DCBLD1: variants seen among roughly 807,000 people sequenced by gnomAD.
DCBLD1 encodes the protein discoidin, CUB and LCCL domain-containing protein 1.
In DCBLD1, 57 loss-of-function variants were observed where a neutral mutation model predicts 71.5. That is an observed-to-expected ratio of 0.80 (90% CI 0.64 to 0.99). DCBLD1 has a LOEUF of 0.99. Ranked by LOEUF, DCBLD1 falls within the 50% of genes least tolerant of loss-of-function variation. The pLI, the probability that DCBLD1 is intolerant of heterozygous loss-of-function variation, is 0.00. For synonymous variants in DCBLD1, 380 were observed against 363.8 expected (o/e 1.04, Z -0.51); for missense variants, 891 against 923.5 (o/e 0.96, Z 0.46).
intron 6 of DCBLD1, 68 bp from the exon 7 acceptor site, chr6:117,537,116 TG>T (rs1260813137): frequency 6.6e-7 from 1 of 1,509,464 alleles, no homozygotes; most frequent in African/African-American, 1.4e-5. Flanking sequence ...AGCCCTGGGA[TG>T]TAGCTATATT....
rs774249395 is a variant in DCBLD1, at chr6:117,548,142, G to A, written c.1851G>A (p.Ala617=). ...RHVLRAHTFS[A]QSGYRVPGPQ... ...TGCTGCGCGCCCACACGTTCTCTGC[G>A]CAGAGCGGCTACCGCGTCCCAGGGC... The change falls in exon 15 of 15, where the codon GCG becomes GCA. Residue 617 remains alanine (A), a synonymous_variant. Transcript: ENST00000338728. 2.6e-5 allele frequency: 41 copies of A among 1,549,970 alleles called. No individual in the cohort carries two copies. Among genetic ancestry groups the A allele is most frequent in the South Asian group, 2.5e-4 (21 of 84,024 alleles).
intron 2 of DCBLD1, among the ~76,000 whole-genome samples, chr6:117,517,679 T>C (rs1778248920): frequency 1.3e-5 from 2 of 152,212 alleles, no homozygotes; most frequent in African/African-American, 4.8e-5. Flanking sequence ...TTGACTTCCA[T>C]GCACCTGCAG....
rs373229177 is a variant in DCBLD1, at chr6:117,517,881, G to A, written c.326-1935G>A. Among the ~76,000 whole-genome samples the A allele has an allele frequency of 4.6e-5, 7 of 152,276 alleles. No homozygotes were observed. The East Asian group carries it at 5.8e-4, about 13-fold the overall frequency. On this transcript the variant is annotated intron_variant, in intron 2 of 14. Coordinates refer to ENST00000338728, the MANE Select transcript of DCBLD1 (RefSeq NM_001366458.2). ...CCACTTTTTCCTCCTAGGCCTCTGG[G>A]TCTGTGATGGGAAGGGTTGCCTTGA...
At chr6:117,504,011 T>C (rs1777755026) in intron 2 of DCBLD1, 32 bp downstream of exon 2, 8 of 1,610,288 alleles carry the variant, frequency 5.0e-6, no homozygotes, top group Middle Eastern at 1.7e-4. Context: ...TCTCTGAGCA[T>C]CAAAATTTTT....
intron 14 of DCBLD1, among the ~76,000 whole-genome samples, chr6:117,567,750 C>G (rs1311058007): frequency 6.6e-6 from 1 of 151,956 alleles, no homozygotes; most frequent in Non-Finnish European, 1.5e-5. Context: ...GTGAGTCCTG[C>G]AGAAAGCAGA....
At chr6:117,545,674 A>C (rs1172381292) in intron 14 of DCBLD1, 77 bp downstream of exon 14, 4 of 1,539,046 alleles carry the variant, frequency 2.6e-6, no homozygotes, top group African/African-American at 1.4e-5. Flanking sequence ...GAGAGAAATA[A>C]GGCAAAATCC....
At chr6:117,524,792 A>G (rs1220302316) in intron 4 of DCBLD1, among the ~76,000 whole-genome samples, 8 of 152,162 alleles carry the variant, frequency 5.3e-5, no homozygotes, top group African/African-American at 1.7e-4. Flanking sequence ...TTAATTTTGC[A>G]TATTTCTTTT....
In DCBLD1 at chr6:117,548,207, T is replaced by C; in HGVS notation, c.1916T>C (p.Phe639Ser). ...GHKHSLSSGG[F>S]SPVAGVGAQD... ...AAACACTCCCTCTCCTCGGGCGGCTTCTCCCCCGTAGCGGGTGTGGGCGCC... is the reference window on the plus strand; with the variant it reads ...AAACACTCCCTCTCCTCGGGCGGCTCCTCCCCCGTAGCGGGTGTGGGCGCC... The change falls in exon 15 of 15, where the codon TTC becomes TCC. Residue 639 changes from phenylalanine to serine, a missense_variant. Physicochemically the swap from Phe to Ser is radical, Grantham distance 155. Transcript: ENST00000338728. 6.5e-7 allele frequency: 1 copy of C among 1,550,364 alleles called. No homozygotes were observed. Among genetic ancestry groups the C allele is most frequent in the Non-Finnish European group, 8.7e-7 (1 of 1,146,944 alleles).
At chr6:117,534,995 T>G (rs1375569761) in intron 6 of DCBLD1, among the ~76,000 whole-genome samples, 1 of 152,184 alleles carries the variant, frequency 6.6e-6, no homozygotes, top group Non-Finnish European at 1.5e-5. Context: ...AATAGTTAAC[T>G]GTATGTTCAC....
downstream of DCBLD1, among the ~76,000 whole-genome samples, chr6:117,550,064 G>T (rs1284266292): frequency 6.6e-6 from 1 of 152,204 alleles, no homozygotes; most frequent in African/African-American, 2.4e-5. Flanking sequence ...TCAAAGTGTT[G>T]TCTATAGTAG....
chr6:117,503,064 T>C (rs932461928), intron 1 of DCBLD1, among the ~76,000 whole-genome samples: 1 of 152,252 alleles, frequency 6.6e-6, no homozygotes, highest in Non-Finnish European at 1.5e-5. Context: ...AATGTGTGAC[T>C]ATTTGCCATT....
intron 1 of DCBLD1, among the ~76,000 whole-genome samples, chr6:117,496,328 T>G (rs1447840753): frequency 1.3e-5 from 2 of 152,266 alleles, no homozygotes; most frequent in Non-Finnish European, 2.9e-5. Flanking sequence ...AGTTCTGTTT[T>G]GCCTTTGTTC....
At chr6:117,486,022 CA>C (rs993207360) in intron 1 of DCBLD1, among the ~76,000 whole-genome samples, 1 of 152,142 alleles carries the variant, frequency 6.6e-6, no homozygotes, top group African/African-American at 2.4e-5. Flanking sequence ...TTAAACAAAT[CA>C]AATGGTATGT....
At chr6:117,536,239 AAAT>A (rs1342692017) in intron 6 of DCBLD1, among the ~76,000 whole-genome samples, 1 of 152,212 alleles carries the variant, frequency 6.6e-6, no homozygotes, top group East Asian at 1.9e-4. Flanking sequence ...TGAGATTGTA[AAAT>A]AGTTGTAAAA....
intron 2 of DCBLD1, among the ~76,000 whole-genome samples, chr6:117,509,944 C>T (rs1379285705): frequency 1.3e-5 from 2 of 152,236 alleles, no homozygotes; most frequent in African/African-American, 2.4e-5. Context: ...ATTTACTTCA[C>T]TGCCACTGCC....
At chr6:117,492,972 C>T (rs1582964604) in intron 1 of DCBLD1, among the ~76,000 whole-genome samples, 1 of 152,252 alleles carries the variant, frequency 6.6e-6, no homozygotes, top group Non-Finnish European at 1.5e-5. Flanking sequence ...TCAGAAATGC[C>T]ATTTTGGCTT....
intron 14 of DCBLD1, chr6:117,560,805 T>A (rs192966265): frequency 1.9e-5 from 4 of 213,486 alleles, no homozygotes; most frequent in Admixed American, 1.8e-4. Context: ...CCATTCTGTT[T>A]GTGTATACAT....
At chr6:117,562,868 A>G (rs1291542371) in intron 14 of DCBLD1, 1 of 223,794 alleles carries the variant, frequency 4.5e-6, no homozygotes, top group African/African-American at 2.2e-5. Context: ...ATATGAATTC[A>G]CTTACTCTCT....
chr6:117,539,163 A>G lies in DCBLD1; in HGVS notation c.977-92A>G, dbSNP rs1779003694. Reference sequence around the variant, plus strand: ...CCTGTGAGATGATCTGAGGTTTCAAATGAGGGAGAAAAAAATGAAACTTGA... The same window carrying G: ...CCTGTGAGATGATCTGAGGTTTCAAGTGAGGGAGAAAAAAATGAAACTTGA... On this transcript the variant is annotated intron_variant, in intron 8 of 14. Coordinates refer to ENST00000338728, the MANE Select transcript of DCBLD1 (RefSeq NM_001366458.2). The G allele has an allele frequency of 3.3e-6, 4 of 1,203,256 alleles. No individual in the cohort carries two copies. In the Admixed American group the frequency reaches 1.0e-4, roughly 31 times the overall value. The allele number at this position is 1,203,256 out of a possible 1,614,324, so 74.5% of individuals were successfully genotyped here. A position where few individuals can be genotyped will look rare whatever the true frequency, so the allele number is the denominator to read the frequency against.
Sources: gnomAD v4.1 joint callset for allele counts (sites outside exome capture counted in the v4.1 genomes callset) on GRCh38, gnomAD v4.1.1 for gene constraint, MANE v1.5 for transcripts, NCBI Gene and HGNC (gene_info 2026-07-23, HGNC 2026-07-21) for gene names.